Variants in ATP10A observed in about 807,000 individuals in gnomAD.
The protein encoded by ATP10A is ATPase phospholipid transporting 10A (putative).
ATP10A carries 111 observed loss-of-function variants against 147.8 expected under a neutral mutation model. The ratio of observed to expected loss-of-function variants is 0.75; its 90% CI spans 0.64 to 0.88. ATP10A has a LOEUF of 0.88. Ranked by LOEUF, ATP10A falls within the 40% of genes least tolerant of loss-of-function variation. ATP10A has a pLI of 0.00. For synonymous variants in ATP10A, 875 were observed against 841.6 expected, an observed-to-expected ratio of 1.04 and a Z score of -0.69; for missense variants, 1,927 against 1,959.0, an observed-to-expected ratio of 0.98 and a Z score of 0.31.
chr15:25,704,388 C>T (rs866220856), intron 12 of ATP10A, among the ~76,000 whole-genome samples: 4 of 152,216 alleles, frequency 2.6e-5, no homozygotes, highest in Admixed American at 2.0e-4. Flanking sequence ...CAACTTCCTG[C>T]CTCAAGGACC....
chr15:25,672,504 A>T (rs142257813), downstream of ATP10A, among the ~76,000 whole-genome samples: 180 of 152,242 alleles, frequency 1.2e-3, 1 homozygote, highest in African/African-American at 4.1e-3. Flanking sequence ...AGGTACCTGG[A>T]ACTGTAACTG....
intron 2 of ATP10A, among the ~76,000 whole-genome samples, chr15:25,739,497 G>T (rs1200383658): frequency 6.6e-6 from 1 of 152,098 alleles, no homozygotes; most frequent in Admixed American, 6.6e-5. Flanking sequence ...CGGATCTCCG[G>T]GGTCTCTGTT....
chr15:25,733,532 C>A (rs12915451), intron 3 of ATP10A, among the ~76,000 whole-genome samples: 1 of 152,166 alleles, frequency 6.6e-6, no homozygotes, highest in Non-Finnish European at 1.5e-5. Context: ...GTCACGGGGG[C>A]AAGTATTAAC....
intron 5 of ATP10A, among the ~76,000 whole-genome samples, chr15:25,725,638 C>CTT (rs34133892): frequency 6.2e-5 from 9 of 144,814 alleles, no homozygotes; most frequent in South Asian, 2.2e-4. Flanking sequence ...TTCTTTCTTT[C>CTT]TTTTTTTTTT....
intron 1 of ATP10A, among the ~76,000 whole-genome samples, chr15:25,794,823 A>G (rs763633739): frequency 6.6e-6 from 1 of 152,208 alleles, no homozygotes; most frequent in Non-Finnish European, 1.5e-5. Context: ...GAGGCCACAC[A>G]CGTGGATTCC....
At chr15:25,740,375 C>A (rs144202442) in intron 2 of ATP10A, among the ~76,000 whole-genome samples, 2 of 152,210 alleles carry the variant, frequency 1.3e-5, no homozygotes, top group Non-Finnish European at 2.9e-5. Flanking sequence ...CCCTGCCTAA[C>A]GCTCCAGGTG....
chr15:25,747,203 C>T (rs999776716), intron 2 of ATP10A, among the ~76,000 whole-genome samples: 1 of 147,996 alleles, frequency 6.8e-6, no homozygotes, highest in Non-Finnish European at 1.5e-5. Flanking sequence ...TCAAGAGAAA[C>T]ACTTGAACAC....
intron 1 of ATP10A, among the ~76,000 whole-genome samples, chr15:25,829,221 A>C (rs757988258): frequency 4.6e-5 from 7 of 152,174 alleles, no homozygotes; most frequent in Non-Finnish European, 8.8e-5. Flanking sequence ...TCTGGGAGAA[A>C]GGGGGAAGGT....
intron 7 of ATP10A, 42 bp from the exon 8 acceptor site, chr15:25,718,441 C>A: frequency 1.9e-6 from 3 of 1,539,374 alleles, no homozygotes; most frequent in Middle Eastern, 2.2e-4. Context: ...TGGGGGAAGG[C>A]TGGGCGGAGC....
At chr15:25,738,670 T>C (rs1025957403) in intron 2 of ATP10A, 2 of 152,166 alleles carry the variant, frequency 1.3e-5, no homozygotes, top group Non-Finnish European at 2.9e-5. Context: ...AAGTTGAACA[T>C]AGACCAGAAA....
intron 1 of ATP10A, among the ~76,000 whole-genome samples, chr15:25,821,498 G>C (rs6576464): frequency 0.35 from 52,637 of 151,920 alleles, 10,395 homozygotes; most frequent in African/African-American, 0.54. Flanking sequence ...ATTTTTGCCT[G>C]CCTTAAAGGA....
chr15:25,783,073 G>A (rs1036749130), intron 1 of ATP10A, among the ~76,000 whole-genome samples: 13 of 152,226 alleles, frequency 8.5e-5, no homozygotes, highest in African/African-American at 3.1e-4. Context: ...CTACTTGACA[G>A]GCTGAGGCAA....
chr15:25,700,632 T>C lies in ATP10A; in HGVS notation c.2760+1284A>G, dbSNP rs75817585. Among the ~76,000 whole-genome samples, 148 of 152,250 alleles carry C rather than the reference T, an allele frequency of 9.7e-4. 1 individual carries two copies. In the East Asian group the frequency reaches 0.027, roughly 28 times the overall value. On this transcript the variant is annotated intron_variant, in intron 13 of 20. Coordinates refer to ENST00000555815, the MANE Select transcript of ATP10A (RefSeq NM_024490.4). ...TTGACATCTGGAAAAGACAAAACTG[T>C]AGTTCTGGAGAACAGATTGGTGGCT...
At chr15:25,770,409 C>G (rs1889275970) in intron 2 of ATP10A, among the ~76,000 whole-genome samples, 1 of 152,198 alleles carries the variant, frequency 6.6e-6, no homozygotes, top group African/African-American at 2.4e-5. Context: ...ACTTGGACCC[C>G]AGCAGGCCAA....
At chr15:25,741,757 T>A (rs939729332) in intron 2 of ATP10A, among the ~76,000 whole-genome samples, 1 of 152,232 alleles carries the variant, frequency 6.6e-6, no homozygotes, top group African/African-American at 2.4e-5. Flanking sequence ...GGTGAACATT[T>A]TCAATTTGCT....
intron 1 of ATP10A, among the ~76,000 whole-genome samples, chr15:25,786,467 T>C (rs1337225802): frequency 1.3e-5 from 2 of 151,796 alleles, no homozygotes; most frequent in East Asian, 3.9e-4. Flanking sequence ...AGCAAGACCA[T>C]GTAGTCTTTT....
At chr15:25,812,455 C>T (rs923626832) in intron 1 of ATP10A, among the ~76,000 whole-genome samples, 4 of 152,076 alleles carry the variant, frequency 2.6e-5, no homozygotes, top group East Asian at 1.9e-4. Flanking sequence ...TCATTCAAAG[C>T]GAGGGAAAAT....
intron 3 of ATP10A, among the ~76,000 whole-genome samples, chr15:25,731,292 C>T (rs1321000701): frequency 6.6e-6 from 1 of 152,174 alleles, no homozygotes; most frequent in Non-Finnish European, 1.5e-5. Context: ...AACTATCCTA[C>T]AAGACAAAGA....
chr15:25,844,999 G>A (rs1306894292), intron 1 of ATP10A, among the ~76,000 whole-genome samples: 4 of 152,200 alleles, frequency 2.6e-5, no homozygotes, highest in Non-Finnish European at 5.9e-5. Context: ...GAATGAAAAG[G>A]TTTTCCATAA....
Sources: allele counts gnomAD v4.1 joint callset (sites outside exome capture counted in the v4.1 genomes callset), GRCh38; gene constraint gnomAD v4.1.1; transcripts MANE v1.5; gene names NCBI Gene and HGNC (gene_info 2026-07-23, HGNC 2026-07-21).